Variants in PCDHGA10 observed in about 807,000 individuals in gnomAD.
PCDHGA10 encodes protocadherin gamma-A10.
In PCDHGA10, 42 loss-of-function variants were observed where a neutral mutation model predicts 59.5. The ratio of observed to expected loss-of-function variants is 0.71; its 90% CI spans 0.55 to 0.91. The LOEUF is 0.91. Ranked by LOEUF, PCDHGA10 falls within the 40% of genes least tolerant of loss-of-function variation. The pLI is 0.00. For synonymous variants in PCDHGA10, 511 were observed against 517.2 expected, an observed-to-expected ratio of 0.99 and a Z score of 0.16; for missense variants, 1,111 against 1,198.2, an observed-to-expected ratio of 0.93 and a Z score of 1.07.
intron 3 of PCDHGA10, among the ~76,000 whole-genome samples, chr5:141,505,981 A>G (rs1285802357): frequency 6.6e-6 from 1 of 151,898 alleles, no homozygotes; most frequent in Non-Finnish European, 1.5e-5. Context: ...CCGAGAGAAC[A>G]CCTCCTCTTT....
In PCDHGA10 at chr5:141,415,199, T is replaced by C. The variant is rs761532551; in HGVS notation, c.2024T>C (p.Val675Ala). The C allele has an allele frequency of 1.7e-5, 28 of 1,613,880 alleles. No individual in the cohort carries two copies. Among genetic ancestry groups the C allele is most frequent in the Non-Finnish European group, 2.4e-5 (28 of 1,180,026 alleles). Reference sequence around the variant, plus strand: ...GCCGTGGCCGACAGCATCCCCCAAGTCCTGGCGGACCTCGGCAGCTTCGAG... The same window carrying C: ...GCCGTGGCCGACAGCATCCCCCAAGCCCTGGCGGACCTCGGCAGCTTCGAG... ...TVAVADSIPQ[V>A]LADLGSFESP... is the part of the protein sequence containing the mutation. Residue 675 changes from valine (V) to alanine (A), a missense_variant, in exon 1 of 4, where the codon GTC (valine) becomes GCC (alanine). Val to Ala is a moderately conservative substitution (Grantham distance 64, BLOSUM62 0). Coordinates refer to ENST00000398610, the MANE Select transcript of PCDHGA10 (RefSeq NM_018913.3).
chr5:141,484,757 T>C (rs2099600412), intron 1 of PCDHGA10, among the ~76,000 whole-genome samples: 1 of 151,626 alleles, frequency 6.6e-6, no homozygotes, highest in East Asian at 1.9e-4. Flanking sequence ...AATGTATATA[T>C]ATATATATGT....
intron 1 of PCDHGA10, among the ~76,000 whole-genome samples, chr5:141,454,032 C>T (rs2098780173): frequency 6.6e-6 from 1 of 152,126 alleles, no homozygotes; most frequent in Non-Finnish European, 1.5e-5. Flanking sequence ...AAGAATTGGC[C>T]AGCAAAGATA....
Position 141,413,981 on chromosome 5 carries a change from C to T in PCDHGA10, c.806C>T (p.Thr269Ile), listed in dbSNP as rs563161887. ...GTGGGCACTCAGCTGCTGACAGTCA[C>T]AGCCACCGACAGGGACGAAGGTGCC... ...LPVGTQLLTV[T>I]ATDRDEGANG... The change falls in exon 1 of 4, where the codon ACA becomes ATA. Residue 269 changes from threonine (T) to isoleucine (I), a missense_variant. Thr to Ile is a moderately conservative substitution (Grantham distance 89). Transcript: ENST00000398610. The T allele has an allele frequency of 3.2e-5, 52 of 1,613,334 alleles. No homozygotes were observed. Among genetic ancestry groups the T allele is most frequent in the African/African-American group, 5.3e-5 (4 of 74,884 alleles).
chr5:141,479,109 A>G (rs925202951), intron 1 of PCDHGA10, among the ~76,000 whole-genome samples: 4 of 152,234 alleles, frequency 2.6e-5, no homozygotes, highest in Admixed American at 2.6e-4. Context: ...TATTTCAAGC[A>G]TTCTACTGGA....
chr5:141,455,593 C>G (rs957677108), intron 1 of PCDHGA10, among the ~76,000 whole-genome samples: 19 of 152,068 alleles, frequency 1.2e-4, no homozygotes, highest in African/African-American at 4.6e-4. Context: ...AATATGCAAA[C>G]GTAGGGCGCC....
In PCDHGA10 at chr5:141,413,486, C is replaced by T. The variant is rs756751796; in HGVS notation, c.311C>T (p.Ala104Val). Residue 104 changes from alanine to valine, a missense_variant, in exon 1 of 4, where the codon GCG becomes GTG. Transcript: ENST00000398610. ...IDREELCAQSARCVVSFNILV... is the reference protein window; with the variant it reads ...IDREELCAQSVRCVVSFNILV... Reference sequence around the variant, plus strand: ...CGGGAGGAGCTCTGCGCTCAGAGCGCGCGGTGCGTGGTGAGTTTTAATATC... The same window carrying T: ...CGGGAGGAGCTCTGCGCTCAGAGCGTGCGGTGCGTGGTGAGTTTTAATATC... 5.0e-6 allele frequency: 8 copies of T among 1,613,914 alleles called. No homozygotes were observed. The African/African-American group carries it at 9.3e-5, about 19-fold the overall frequency.
chr5:141,478,660 T>C, intron 1 of PCDHGA10: 2 of 1,551,848 alleles, frequency 1.3e-6, no homozygotes, highest in Non-Finnish European at 1.7e-6. Flanking sequence ...TGGTGATGCA[T>C]TCACACTTTC....
At chr5:141,421,849 G>C in intron 1 of PCDHGA10, 4 of 1,613,766 alleles carry the variant, frequency 2.5e-6, no homozygotes, top group Non-Finnish European at 3.4e-6. Flanking sequence ...GAAAGAGGCT[G>C]CTCACCTGCT....
chr5:141,432,992 G>A lies in PCDHGA10; in HGVS notation c.2436+17381G>A, dbSNP rs777975384. On this transcript the variant is annotated intron_variant, in intron 1 of 3. Coordinates refer to ENST00000398610, the MANE Select transcript of PCDHGA10 (RefSeq NM_018913.3). The surrounding 1 kb of genome is among the most constrained non-coding windows in gnomAD (Gnocchi z 6.0). The stretch of plus-strand genomic sequence containing the variant: ...GGCGTCGCACTTTGTGGGCGTGGAC[G>A]GGGTGCAGGCTTTCCTGCAGACCTA... 1.9e-6 allele frequency: 3 copies of A among 1,614,174 alleles called. No homozygotes were observed. In the Admixed American group the frequency reaches 5.0e-5, roughly 27 times the overall value.
At chr5:141,468,802 C>G (rs928501013) in intron 1 of PCDHGA10, among the ~76,000 whole-genome samples, 1 of 151,620 alleles carries the variant, frequency 6.6e-6, no homozygotes, top group African/African-American at 2.4e-5. Context: ...GGAGGCGGAA[C>G]TTGCAGTGAG....
At position 141,415,393 on chromosome 5, in the gene PCDHGA10, T is replaced by C. The variant is rs574028530; in HGVS notation, c.2218T>C (p.Ser740Pro). Residue 740 changes from serine to proline, a missense_variant, in exon 1 of 4, where the codon TCC (serine) becomes CCC (proline). Ser to Pro is a moderately conservative substitution (Grantham distance 74, BLOSUM62 -1). Transcript: ENST00000398610. ...QASGGGLTGV[S>P]GSHFVGVDGV... ...TTCAGGAGGCGGCTTGACAGGTGTG[T>C]CCGGCTCGCACTTTGTGGGCGTGGA... 1.1e-5 allele frequency: 17 copies of C among 1,614,190 alleles called. No individual in the cohort carries two copies. In the East Asian group the frequency reaches 2.5e-4, roughly 23 times the overall value.
Position 141,512,910 on chromosome 5 carries a change from T to C in PCDHGA10, c.*1737T>C, listed in dbSNP as rs2099884499. On this transcript the variant is annotated 3_prime_UTR_variant, in exon 4 of 4. Transcript: ENST00000398610. Reference sequence around the variant, plus strand: ...CTCTTCCTGTGTCTCACGCAAGTTTTATACTCTAATATTTATATGGCTTTT... The same window carrying C: ...CTCTTCCTGTGTCTCACGCAAGTTTCATACTCTAATATTTATATGGCTTTT... 1 of 152,274 alleles carries C rather than the reference T, an allele frequency of 6.6e-6. No homozygotes were observed. The highest frequency in any genetic ancestry group is 2.1e-4 in the South Asian group (1 of 4,836). 9.4% of individuals were successfully genotyped at this position (152,274 alleles called of 1,614,324 possible). A position where few individuals can be genotyped will look rare whatever the true frequency, so the allele number is the denominator to read the frequency against.
intron 1 of PCDHGA10, among the ~76,000 whole-genome samples, chr5:141,454,989 T>C (rs1460420144): frequency 6.6e-6 from 1 of 151,506 alleles, no homozygotes; most frequent in East Asian, 2.0e-4. Context: ...TTAAAAAATA[T>C]TTTTAGTAGA....
chr5:141,426,676 A>T (rs1209949988), intron 1 of PCDHGA10: 4 of 431,700 alleles, frequency 9.3e-6, no homozygotes, highest in Non-Finnish European at 1.9e-5. Context: ...AACCCACCTC[A>T]TTTTCCCCAA....
At chr5:141,474,106 A>G (rs1334111464) in intron 1 of PCDHGA10, among the ~76,000 whole-genome samples, 1 of 152,108 alleles carries the variant, frequency 6.6e-6, no homozygotes, top group African/African-American at 2.4e-5. Flanking sequence ...CAACAAAAAC[A>G]ACAACAACGA....
intron 2 of PCDHGA10, among the ~76,000 whole-genome samples, chr5:141,500,001 A>G (rs961582279): frequency 6.6e-5 from 10 of 151,914 alleles, no homozygotes; most frequent in African/African-American, 2.4e-4. Context: ...TGATTCTTTC[A>G]TAAGGTCCAC....
intron 3 of PCDHGA10, among the ~76,000 whole-genome samples, chr5:141,510,440 C>T (rs1251795430): frequency 6.6e-6 from 1 of 152,066 alleles, no homozygotes; most frequent in Non-Finnish European, 1.5e-5. Context: ...TGCTGCCCTC[C>T]AGGAGCCCAT....
In PCDHGA10 at chr5:141,414,300, G is replaced by T; in HGVS notation, c.1125G>T (p.Val375=). ...GAACAGTCGTAGCCCTTTTAAATGTGCATGATTTAGACTCTGAGCAGAATG... is the reference window on the plus strand; with the variant it reads ...GAACAGTCGTAGCCCTTTTAAATGTTCATGATTTAGACTCTGAGCAGAATG... ...PLGTVVALLN[V]HDLDSEQNGQ... is the part of the protein sequence containing the mutation. Residue 375 remains valine (V), a synonymous_variant, in exon 1 of 4, where the codon GTG becomes GTT. Transcript: ENST00000398610. The T allele has an allele frequency of 4.3e-6, 7 of 1,613,560 alleles. No homozygotes were observed. Among genetic ancestry groups the T allele is most frequent in the Non-Finnish European group, 5.9e-6 (7 of 1,179,724 alleles).
Sources: gnomAD v4.1 joint callset for allele counts (sites outside exome capture counted in the v4.1 genomes callset) on GRCh38, gnomAD v4.1.1 for gene constraint, Gnocchi (gnomAD v3.1) non-coding constraint, MANE v1.5 for transcripts, NCBI Gene and HGNC (gene_info 2026-07-23, HGNC 2026-07-21) for gene names.